The following RNGTT variants were observed in gnomAD, a reference collection of about 807,000 sequenced individuals.
RNGTT encodes RNA guanylyltransferase and 5'-phosphatase.
In RNGTT, 33 loss-of-function variants were observed where a neutral mutation model predicts 79.3. The observed-to-expected ratio is 0.42, with a 90% CI of 0.32 to 0.56. RNGTT has a LOEUF of 0.56. Among genes scored for constraint, RNGTT ranks in the 20% least tolerant of loss-of-function variants. RNGTT has a pLI of 0.17. For synonymous variants in RNGTT, 222 were observed against 235.9 expected (o/e 0.94, Z 0.54); for missense variants, 497 against 739.1 (o/e 0.67, Z 3.80).
intron 13 of RNGTT, among the ~76,000 whole-genome samples, chr6:88,681,129 C>T (rs948319854): frequency 6.6e-6 from 1 of 152,132 alleles, no homozygotes; most frequent in Non-Finnish European, 1.5e-5. Context: ...CTTGATAAAA[C>T]CTCCTTTAGC....
chr6:88,897,234 G>T (rs1430392749), intron 6 of RNGTT, among the ~76,000 whole-genome samples: 1 of 152,006 alleles, frequency 6.6e-6, no homozygotes, highest in Admixed American at 6.6e-5. Context: ...TTACCCTCTT[G>T]TTCTTCATCA....
intron 14 of RNGTT, among the ~76,000 whole-genome samples, chr6:88,617,373 A>G (rs1772270342): frequency 6.6e-6 from 1 of 152,216 alleles, no homozygotes; most frequent in African/African-American, 2.4e-5. Flanking sequence ...GGTGTAAGGT[A>G]GGGGTTCAAC....
chr6:88,933,204 G>T (rs1367395445), intron 2 of RNGTT, among the ~76,000 whole-genome samples: 1 of 152,156 alleles, frequency 6.6e-6, no homozygotes, highest in Non-Finnish European at 1.5e-5. Context: ...GTGTAATGAT[G>T]AAATCAGGGT....
At chr6:88,838,279 G>C (rs1033909875) in intron 11 of RNGTT, among the ~76,000 whole-genome samples, 3 of 152,050 alleles carry the variant, frequency 2.0e-5, no homozygotes, top group Admixed American at 2.0e-4. Context: ...CAGTAAGGCA[G>C]GAGAATAAAA....
At chr6:88,618,458 A>C (rs752313665) in intron 14 of RNGTT, among the ~76,000 whole-genome samples, 16 of 152,204 alleles carry the variant, frequency 1.1e-4, no homozygotes, top group Non-Finnish European at 2.1e-4. Flanking sequence ...GACAATAATC[A>C]TCCTCAGCCA....
chr6:88,892,706 C>T (rs900393603), intron 6 of RNGTT, among the ~76,000 whole-genome samples: 1 of 151,928 alleles, frequency 6.6e-6, no homozygotes, highest in African/African-American at 2.4e-5. Flanking sequence ...AAGGGACTGG[C>T]ATCAGTCTTA....
At chr6:88,727,557 A>G (rs1196631052) in intron 13 of RNGTT, among the ~76,000 whole-genome samples, 2 of 152,244 alleles carry the variant, frequency 1.3e-5, no homozygotes, top group Non-Finnish European at 2.9e-5. Context: ...GTCAGACATT[A>G]AAATTGGATA....
At chr6:88,798,160 G>A (rs1486157348) in intron 12 of RNGTT, among the ~76,000 whole-genome samples, 4 of 151,820 alleles carry the variant, frequency 2.6e-5, no homozygotes, top group Non-Finnish European at 4.4e-5. Context: ...TCATTATTCT[G>A]AATATAAAAA....
chr6:88,825,308 T>C (rs1780622449), intron 11 of RNGTT, among the ~76,000 whole-genome samples: 1 of 152,326 alleles, frequency 6.6e-6, no homozygotes, highest in South Asian at 2.1e-4. Flanking sequence ...CAACAGGCAT[T>C]GGGGTTCACC....
intron 14 of RNGTT, among the ~76,000 whole-genome samples, chr6:88,621,112 C>G (rs1431024425): frequency 2.0e-5 from 3 of 152,162 alleles, no homozygotes; most frequent in Non-Finnish European, 2.9e-5. Flanking sequence ...ATGAACCAAG[C>G]ACATTTGCTA....
chr6:88,675,763 T>C (rs1371107545), intron 14 of RNGTT, among the ~76,000 whole-genome samples: 1 of 150,228 alleles, frequency 6.7e-6, no homozygotes, highest in East Asian at 1.9e-4. Flanking sequence ...AATCAGAAAT[T>C]AAAATTAAAT....
intron 13 of RNGTT, among the ~76,000 whole-genome samples, chr6:88,730,545 G>A (rs1777074130): frequency 6.6e-6 from 1 of 152,208 alleles, no homozygotes; most frequent in Admixed American, 6.5e-5. Context: ...ATATTCAAGT[G>A]TTATTTCTCT....
chr6:88,955,012 C>T (rs1045680446), intron 1 of RNGTT, among the ~76,000 whole-genome samples: 1 of 151,802 alleles, frequency 6.6e-6, no homozygotes, highest in Non-Finnish European at 1.5e-5. Flanking sequence ...GAGCTGAGAT[C>T]GTACCATTGC....
intron 1 of RNGTT, among the ~76,000 whole-genome samples, chr6:88,950,764 C>T (rs552286414): frequency 2.0e-5 from 3 of 152,006 alleles, no homozygotes; most frequent in African/African-American, 7.2e-5. Flanking sequence ...CCCAGGAGTT[C>T]GAGGCGGCAG....
intron 13 of RNGTT, among the ~76,000 whole-genome samples, chr6:88,707,004 G>A (rs187350470): frequency 6.6e-6 from 1 of 152,268 alleles, no homozygotes; most frequent in Admixed American, 6.5e-5. Context: ...GGAAGAAGGT[G>A]ATGAATTAAA....
chr6:88,796,118 A>G (rs1380239963), intron 12 of RNGTT, among the ~76,000 whole-genome samples: 1 of 152,240 alleles, frequency 6.6e-6, no homozygotes, highest in Non-Finnish European at 1.5e-5. Context: ...TCAAATACTC[A>G]GTACAAAAAT....
At chr6:88,647,240 G>A (rs1434027281) in intron 14 of RNGTT, among the ~76,000 whole-genome samples, 5 of 151,866 alleles carry the variant, frequency 3.3e-5, no homozygotes, top group African/African-American at 9.7e-5. Context: ...ACAGAAGCTC[G>A]ACTTTTAGAT....
intron 14 of RNGTT, among the ~76,000 whole-genome samples, chr6:88,675,705 G>GAAA (rs59044283): frequency 6.9e-6 from 1 of 145,914 alleles, no homozygotes; most frequent in East Asian, 2.0e-4. Flanking sequence ...TACATGAAAA[G>GAAA]AAAAAAAAAA....
chr6:88,934,022 T>C (rs944482394), intron 2 of RNGTT, among the ~76,000 whole-genome samples: 1 of 152,132 alleles, frequency 6.6e-6, no homozygotes, highest in Non-Finnish European at 1.5e-5. Flanking sequence ...GTCTTTATAA[T>C]AGTTTTGTTT....
Sources: allele counts gnomAD v4.1 joint callset (sites outside exome capture counted in the v4.1 genomes callset), GRCh38; gene constraint gnomAD v4.1.1; transcripts MANE v1.5; gene names NCBI Gene and HGNC (gene_info 2026-07-23, HGNC 2026-07-21).